XPR1: variants seen among roughly 807,000 people sequenced by gnomAD.
XPR1 encodes xenotropic and polytropic retrovirus receptor 1.
XPR1 carries 28 observed loss-of-function variants against 87.5 expected under a neutral mutation model. The observed-to-expected ratio is 0.32, with a 90% CI of 0.24 to 0.44. XPR1 has a LOEUF of 0.44. Ranked by LOEUF, XPR1 falls within the 20% of genes least tolerant of loss-of-function variation. XPR1 has a pLI of 1.00. For missense variants in XPR1, 559 were observed against 862.3 expected (o/e 0.65, Z 4.41); for synonymous variants, 300 against 306.1 (o/e 0.98, Z 0.21).
chr1:180,691,795 G>A (rs1657002502), intron 2 of XPR1, among the ~76,000 whole-genome samples: 1 of 151,688 alleles, frequency 6.6e-6, no homozygotes, highest in South Asian at 2.1e-4. Flanking sequence ...AATGGACAGG[G>A]TCTACTTCAA....
intron 1 of XPR1, among the ~76,000 whole-genome samples, chr1:180,672,912 T>C (rs76795882): frequency 6.6e-6 from 1 of 152,218 alleles, no homozygotes; most frequent in East Asian, 1.9e-4. Context: ...CTTTAAGGTT[T>C]ATGAGCACAA....
rs12722943 is a variant in XPR1, at chr1:180,810,485, T to A, written c.682-922T>A. ...GTCCCAGCTACTCTGGAGGCTGAAG[T>A]GGGGAATCACTTGAGTCTGGGAAGT... On this transcript the variant is annotated intron_variant, in intron 6 of 14. Coordinates refer to ENST00000367590, the MANE Select transcript of XPR1 (RefSeq NM_004736.4). Among the ~76,000 whole-genome samples the A allele has an allele frequency of 9.2e-3, 1,398 of 151,568 alleles. 14 individuals are homozygous for A. Among genetic ancestry groups the A allele is most frequent in the Non-Finnish European group, 0.015 (993 of 67,868 alleles).
At chr1:180,696,489 G>A (rs1277283825) in intron 2 of XPR1, among the ~76,000 whole-genome samples, 1 of 151,412 alleles carries the variant, frequency 6.6e-6, no homozygotes, top group Non-Finnish European at 1.5e-5. Context: ...CTCTGGCTAG[G>A]AATTTCAGTA....
intron 2 of XPR1, among the ~76,000 whole-genome samples, chr1:180,692,110 G>A (rs1185307889): frequency 6.6e-6 from 1 of 152,098 alleles, no homozygotes; most frequent in Non-Finnish European, 1.5e-5. Context: ...AATAGGCAGA[G>A]CTATATTTAA....
intron 2 of XPR1, among the ~76,000 whole-genome samples, chr1:180,706,398 A>T (rs1657558990): frequency 6.6e-6 from 1 of 152,222 alleles, no homozygotes; most frequent in South Asian, 2.1e-4. Context: ...GGAGTTCTCC[A>T]GGTATCTGTC....
intron 11 of XPR1, among the ~76,000 whole-genome samples, chr1:180,857,691 C>G (rs1652081145): frequency 6.6e-6 from 1 of 152,044 alleles, no homozygotes. Flanking sequence ...CTCTTTTAGA[C>G]TTGGCCCTTA....
intron 6 of XPR1, among the ~76,000 whole-genome samples, chr1:180,807,362 A>C (rs746371352): frequency 7.0e-4 from 106 of 152,256 alleles, no homozygotes; most frequent in Admixed American, 1.7e-3. Context: ...GAGTTTAGCA[A>C]GGTTGCCAAA....
At chr1:180,787,629 T>G in intron 2 of XPR1, 124 bp from the exon 3 acceptor site, 1 of 679,852 alleles carries the variant, frequency 1.5e-6, no homozygotes, top group Non-Finnish European at 2.4e-6. Context: ...AGTTCACTTT[T>G]TCAGAGAAAT....
chr1:180,644,630 G>A (rs948384179), intron 1 of XPR1, among the ~76,000 whole-genome samples: 2 of 151,890 alleles, frequency 1.3e-5, no homozygotes, highest in African/African-American at 4.8e-5. Flanking sequence ...CAGTAATTAC[G>A]ATGTTGAGAT....
chr1:180,784,730 T>C (rs182264099), intron 2 of XPR1, among the ~76,000 whole-genome samples: 1 of 152,036 alleles, frequency 6.6e-6, no homozygotes, highest in South Asian at 2.1e-4. Context: ...GCCCTATTGA[T>C]GTATAATTCA....
chr1:180,741,849 CTG>C (rs901088779), intron 2 of XPR1, among the ~76,000 whole-genome samples: 4 of 152,128 alleles, frequency 2.6e-5, no homozygotes, highest in African/African-American at 9.7e-5. Context: ...TTTAGGTTAT[CTG>C]TTTCATTTTG....
rs545997389 is a variant in XPR1, at chr1:180,701,851, C to T, written c.121+19440C>T. Among the ~76,000 whole-genome samples the T allele has an allele frequency of 2.9e-5, 4 of 135,822 alleles. No individual in the cohort carries two copies. The South Asian group carries it at 9.0e-4, about 31-fold the overall frequency. The allele number at this position is 135,822 out of a possible 152,430, so 89.1% of individuals were successfully genotyped here. A position where few individuals can be genotyped will look rare whatever the true frequency, so the allele number is the denominator to read the frequency against. The stretch of plus-strand genomic sequence containing the variant: ...TTTTTTTCTTTATTAGTCTTGCTAG[C>T]GGTCTATCAATTTTGTTGATCCTTT... On this transcript the variant is annotated intron_variant, in intron 2 of 14. Coordinates refer to ENST00000367590, the MANE Select transcript of XPR1 (RefSeq NM_004736.4).
In XPR1 at chr1:180,682,417, A is replaced by G; in HGVS notation, c.121+6A>G. The G allele has an allele frequency of 6.2e-7, 1 of 1,601,570 alleles. No homozygotes were observed. The highest frequency in any genetic ancestry group is 8.5e-7 in the Non-Finnish European group (1 of 1,173,550). ...CCAGGCACCTTCTGTGGAAGGTAAG[A>G]TGAATTAACCCTTAAGTTTAGTCAC... is the stretch of plus-strand genomic sequence containing the variant. On this transcript the variant is annotated splice_donor_region_variant and intron_variant, in intron 2 of 14. Coordinates refer to ENST00000367590, the MANE Select transcript of XPR1 (RefSeq NM_004736.4).
intron 3 of XPR1, among the ~76,000 whole-genome samples, chr1:180,801,785 A>ATTTTT (rs542465078): frequency 2.1e-5 from 3 of 145,186 alleles, no homozygotes; most frequent in Admixed American, 6.9e-5. Context: ...GTCCCTTGGC[A>ATTTTT]TTTTTTTTTT....
intron 1 of XPR1, among the ~76,000 whole-genome samples, chr1:180,666,134 G>A (rs1332992407): frequency 6.6e-6 from 1 of 152,220 alleles, no homozygotes; most frequent in African/African-American, 2.4e-5. Context: ...GTTTATTTGT[G>A]GACTGTATTC....
intron 2 of XPR1, among the ~76,000 whole-genome samples, chr1:180,697,406 T>A (rs1395611912): frequency 2.0e-5 from 3 of 152,008 alleles, no homozygotes; most frequent in Admixed American, 6.6e-5. Flanking sequence ...TTTCAAAAAC[T>A]TTATTTTGCT....
intron 11 of XPR1, among the ~76,000 whole-genome samples, chr1:180,854,282 G>A (rs994646940): frequency 6.6e-6 from 1 of 152,222 alleles, no homozygotes; most frequent in Non-Finnish European, 1.5e-5. Context: ...AAATACATAG[G>A]CTTCAGTTAC....
chr1:180,679,381 C>T (rs112542247), intron 1 of XPR1, among the ~76,000 whole-genome samples: 1,917 of 152,180 alleles, frequency 0.013, 31 homozygotes, highest in African/African-American at 0.044. Context: ...TGTTATCTAA[C>T]GGGTCTCTAG....
intron 3 of XPR1, among the ~76,000 whole-genome samples, chr1:180,795,621 T>C (rs1195050877): frequency 3.3e-5 from 5 of 152,168 alleles, no homozygotes; most frequent in Admixed American, 2.0e-4. Context: ...ATAGAAACAT[T>C]AGGTATTTCT....
Sources: allele counts gnomAD v4.1 joint callset (sites outside exome capture counted in the v4.1 genomes callset), GRCh38; gene constraint gnomAD v4.1.1; transcripts MANE v1.5; gene names NCBI Gene and HGNC (gene_info 2026-07-23, HGNC 2026-07-21).